The following CD244 variants were observed in gnomAD, a reference collection of about 807,000 sequenced individuals.
The protein encoded by CD244 is CD244 molecule.
In CD244, 20 loss-of-function variants were observed where a neutral mutation model predicts 45.5. The observed-to-expected ratio is 0.44, with a 90% CI of 0.31 to 0.64. The LOEUF (loss-of-function observed/expected upper bound fraction) is 0.64. Among genes scored for constraint, CD244 ranks in the 30% least tolerant of loss-of-function variants. The pLI, the probability that CD244 is intolerant of heterozygous loss-of-function variation, is 0.08. For missense variants in CD244, 407 were observed against 426.9 expected (o/e 0.95, Z 0.41); for synonymous variants, 185 against 160.5 (o/e 1.15, Z -1.15).
intron 1 of CD244, among the ~76,000 whole-genome samples, chr1:160,844,254 G>A (rs543780286): frequency 1.3e-4 from 20 of 152,258 alleles, no homozygotes; most frequent in African/African-American, 4.3e-4. Flanking sequence ...ACCAACAGAA[G>A]AATAGAGACA....
intron 1 of CD244, among the ~76,000 whole-genome samples, chr1:160,859,743 CA>C (rs541327271): frequency 0.12 from 13,020 of 108,512 alleles, 1,815 homozygotes; most frequent in African/African-American, 0.36. Context: ...CCTGTATCTA[CA>C]AAAAAAAAAA....
intron 1 of CD244, among the ~76,000 whole-genome samples, chr1:160,844,641 T>C (rs1669667613): frequency 6.6e-6 from 1 of 152,186 alleles, no homozygotes; most frequent in African/African-American, 2.4e-5. Flanking sequence ...AGATATCACA[T>C]GATACAGAGA....
chr1:160,860,222 A>G (rs552427294), intron 1 of CD244, among the ~76,000 whole-genome samples: 4 of 152,236 alleles, frequency 2.6e-5, no homozygotes, highest in East Asian at 3.9e-4. Context: ...AAATAATAAT[A>G]ATGATGATAT....
intron 7 of CD244, chr1:160,832,851 C>A (rs1204475755): frequency 3.3e-6 from 1 of 304,260 alleles, no homozygotes; most frequent in African/African-American, 3.4e-5. Flanking sequence ...AAAACCCATA[C>A]ACATATGTGT....
intron 1 of CD244, among the ~76,000 whole-genome samples, chr1:160,861,938 C>G (rs746202823): frequency 2.9e-4 from 44 of 152,324 alleles, no homozygotes; most frequent in Non-Finnish European, 1.6e-4. Flanking sequence ...GACCCCAGAA[C>G]TGGAGAAAGA....
intron 1 of CD244, among the ~76,000 whole-genome samples, chr1:160,850,221 T>C (rs1430062892): frequency 6.6e-6 from 1 of 152,016 alleles, no homozygotes; most frequent in Non-Finnish European, 1.5e-5. Flanking sequence ...CAATACTATT[T>C]ACAGCAGCAC....
chr1:160,835,505 A>G (rs1250988249), intron 6 of CD244, among the ~76,000 whole-genome samples: 1 of 152,150 alleles, frequency 6.6e-6, no homozygotes, highest in Non-Finnish European at 1.5e-5. Flanking sequence ...CTAGCTACCC[A>G]GGAGGCTGAG....
chr1:160,855,689 C>T (rs891474873), intron 1 of CD244, among the ~76,000 whole-genome samples: 24 of 152,324 alleles, frequency 1.6e-4, no homozygotes, highest in African/African-American at 5.3e-4. Flanking sequence ...GGAAGGCCCC[C>T]GGGCCCCTGC....
intron 1 of CD244, among the ~76,000 whole-genome samples, chr1:160,845,847 ACT>A (rs1366705746): frequency 6.6e-6 from 1 of 150,792 alleles, no homozygotes; most frequent in Non-Finnish European, 1.5e-5. Flanking sequence ...CAAGAGTGAA[ACT>A]CTGTCTCAAA....
intron 1 of CD244, among the ~76,000 whole-genome samples, chr1:160,860,458 T>A (rs1389330318): frequency 2.6e-5 from 4 of 150,956 alleles, no homozygotes. Flanking sequence ...AAAAAAAAAA[T>A]AAAGCATATT....
intron 6 of CD244, among the ~76,000 whole-genome samples, chr1:160,835,846 G>A (rs1317393425): frequency 6.6e-6 from 1 of 152,220 alleles, no homozygotes; most frequent in African/African-American, 2.4e-5. Flanking sequence ...ATAGGGAATA[G>A]GGATAAAAAG....
chr1:160,846,908 T>C (rs7553511), intron 1 of CD244, among the ~76,000 whole-genome samples: 7,327 of 152,170 alleles, frequency 0.048, 561 homozygotes, highest in African/African-American at 0.16. Flanking sequence ...TGAGGCTGAA[T>C]TGGCATCAAT....
intron 3 of CD244, 61 bp from the exon 4 acceptor site, chr1:160,839,110 C>A (rs1669443843): frequency 5.5e-6 from 7 of 1,267,282 alleles, no homozygotes; most frequent in Non-Finnish European, 6.8e-6. Flanking sequence ...TCCTTCCCAC[C>A]TGCCTGCTGC....
intron 1 of CD244, among the ~76,000 whole-genome samples, chr1:160,847,229 G>A (rs1218303863): frequency 1.3e-5 from 2 of 151,948 alleles, no homozygotes; most frequent in African/African-American, 4.8e-5. Flanking sequence ...AGAACTAAAA[G>A]GAGAAGTAAA....
intron 1 of CD244, among the ~76,000 whole-genome samples, chr1:160,858,465 G>A (rs920778572): frequency 1.3e-5 from 2 of 152,162 alleles, no homozygotes; most frequent in African/African-American, 2.4e-5. Context: ...ATAGCCTCCA[G>A]CCTGTGTGTC....
chr1:160,832,407 C>T (rs1669157533), intron 8 of CD244, 112 bp downstream of exon 8: 2 of 701,560 alleles, frequency 2.9e-6, no homozygotes, highest in Non-Finnish European at 2.5e-6. Context: ...CTCTAAATTC[C>T]CTACAACTCT....
At chr1:160,861,514 C>T (rs1193311751) in intron 1 of CD244, among the ~76,000 whole-genome samples, 2 of 152,108 alleles carry the variant, frequency 1.3e-5, no homozygotes, top group African/African-American at 2.4e-5. Context: ...TCCGTGAAGC[C>T]CCTGCAGAGT....
At chr1:160,835,616 G>A (rs1057272183) in intron 6 of CD244, among the ~76,000 whole-genome samples, 15 of 151,872 alleles carry the variant, frequency 9.9e-5, no homozygotes, top group Non-Finnish European at 1.9e-4. Context: ...GTCTCATAAC[G>A]GGTATACCAA....
At chr1:160,844,958 C>CGTCA (rs1416026732) in intron 1 of CD244, among the ~76,000 whole-genome samples, 1 of 152,064 alleles carries the variant, frequency 6.6e-6, no homozygotes, top group Admixed American at 6.6e-5. Flanking sequence ...GCCTGCATGA[C>CGTCA]AGAGCAAGAC....
Sources: gnomAD v4.1 joint callset for allele counts (sites outside exome capture counted in the v4.1 genomes callset) on GRCh38, gnomAD v4.1.1 for gene constraint, MANE v1.5 for transcripts, NCBI Gene and HGNC (gene_info 2026-07-23, HGNC 2026-07-21) for gene names.